The following GABRG3 variants were observed in gnomAD, a reference collection of about 807,000 sequenced individuals.
GABRG3 encodes the protein gamma-aminobutyric acid type A receptor subunit gamma3, also known as gamma-aminobutyric acid receptor subunit gamma-3.
GABRG3 carries 25 observed loss-of-function variants against 48.8 expected under a neutral mutation model. The ratio of observed to expected loss-of-function variants is 0.51; its 90% confidence interval spans 0.37 to 0.72. The LOEUF (loss-of-function observed/expected upper bound fraction) is 0.72. Among genes scored for constraint, GABRG3 ranks in the 30% least tolerant of loss-of-function variants. The probability of loss-of-function intolerance (pLI) is 0.00; values close to 1 mark genes in which losing one functional copy is unlikely to be tolerated. For synonymous variants in GABRG3, 227 were observed against 217.6 expected, an observed-to-expected ratio of 1.04 and a Z score of -0.38; for missense variants, 394 against 577.9, an observed-to-expected ratio of 0.68 and a Z score of 3.26.
At chr15:27,486,650 T>C (rs1890227627) in intron 6 of GABRG3, among the ~76,000 whole-genome samples, 1 of 152,170 alleles carries the variant, frequency 6.6e-6, no homozygotes, top group Non-Finnish European at 1.5e-5. Context: ...TATGTGACCT[T>C]GGGCAATTCC....
At chr15:27,038,788 A>C (rs983815235) in intron 3 of GABRG3, among the ~76,000 whole-genome samples, 1 of 151,908 alleles carries the variant, frequency 6.6e-6, no homozygotes, top group Non-Finnish European at 1.5e-5. Context: ...GGAGTTGGGG[A>C]TGTCAGAGTG....
At chr15:27,528,656 G>A (rs1359579865) in intron 9 of GABRG3, among the ~76,000 whole-genome samples, 3 of 152,036 alleles carry the variant, frequency 2.0e-5, no homozygotes, top group Non-Finnish European at 2.9e-5. Context: ...TAGTCACGCA[G>A]GAAAATGAGC....
intron 3 of GABRG3, among the ~76,000 whole-genome samples, chr15:27,076,175 A>G (rs1200760360): frequency 6.6e-6 from 1 of 152,062 alleles, no homozygotes; most frequent in Non-Finnish European, 1.5e-5. Context: ...AGAATGGCAG[A>G]ACTTGACAGG....
At chr15:27,218,141 C>T (rs1889327190) in intron 3 of GABRG3, among the ~76,000 whole-genome samples, 1 of 152,120 alleles carries the variant, frequency 6.6e-6, no homozygotes, top group Non-Finnish European at 1.5e-5. Context: ...TCCCAAGCAG[C>T]TGGGACTACC....
intron 5 of GABRG3, among the ~76,000 whole-genome samples, chr15:27,390,238 A>G (rs1896179957): frequency 6.6e-6 from 1 of 152,242 alleles, no homozygotes; most frequent in Non-Finnish European, 1.5e-5. Flanking sequence ...AAATTGAGAA[A>G]ACAAACCACT....
At chr15:27,349,746 A>G (rs1055720486) in intron 5 of GABRG3, among the ~76,000 whole-genome samples, 2 of 152,152 alleles carry the variant, frequency 1.3e-5, no homozygotes, top group Non-Finnish European at 2.9e-5. Context: ...GGCACAGTTT[A>G]TCAAATAATT....
At chr15:27,160,650 T>C (rs1887148417) in intron 3 of GABRG3, among the ~76,000 whole-genome samples, 1 of 152,056 alleles carries the variant, frequency 6.6e-6, no homozygotes, top group South Asian at 2.1e-4. Context: ...GTTATTTCAA[T>C]GAACCAGTAA....
At chr15:27,354,733 A>T (rs913951436) in intron 5 of GABRG3, among the ~76,000 whole-genome samples, 1 of 152,210 alleles carries the variant, frequency 6.6e-6, no homozygotes. Flanking sequence ...ATGTGAGTGG[A>T]TATCTCACAT....
At chr15:27,321,950 A>G (rs1893441206) in intron 3 of GABRG3, among the ~76,000 whole-genome samples, 2 of 152,372 alleles carry the variant, frequency 1.3e-5, no homozygotes, top group African/African-American at 2.4e-5. Context: ...ACTGAAACAA[A>G]TCATGAACTT....
chr15:27,217,280 A>G (rs1330048833), intron 3 of GABRG3, among the ~76,000 whole-genome samples: 1 of 152,168 alleles, frequency 6.6e-6, no homozygotes, highest in East Asian at 1.9e-4. Context: ...CAAATGACCA[A>G]TTCATTTCAA....
rs147353525 is a variant in GABRG3, at chr15:27,019,362, G to A, written c.203-7392G>A. ...TGGGATTACAGGCATGAGCCACCGC[G>A]CCCAGCCTAGAGTCTCTTGAAGCCT... On this transcript the variant is annotated intron_variant, in intron 2 of 9. Transcript: ENST00000615808. 7.8e-3 allele frequency among the ~76,000 whole-genome samples: 1,191 copies of A among 152,096 alleles called. 10 individuals carry two copies. Among genetic ancestry groups the A allele is most frequent in the Non-Finnish European group, 0.011 (716 of 67,988 alleles).
intron 3 of GABRG3, among the ~76,000 whole-genome samples, chr15:27,215,072 T>C (rs1040836202): frequency 3.9e-5 from 6 of 152,350 alleles, no homozygotes; most frequent in Admixed American, 3.3e-4. Context: ...TTCATTTCTT[T>C]TTCTTTTGTC....
chr15:27,492,871 A>G (rs1335112056), intron 6 of GABRG3, among the ~76,000 whole-genome samples: 1 of 152,252 alleles, frequency 6.6e-6, no homozygotes, highest in Non-Finnish European at 1.5e-5. Context: ...TGTATTGAAT[A>G]AGAAGACTAA....
chr15:27,023,255 C>T (rs1358514241), intron 2 of GABRG3, among the ~76,000 whole-genome samples: 1 of 152,056 alleles, frequency 6.6e-6, no homozygotes, highest in Admixed American at 6.5e-5. Context: ...GCTTTCCTAC[C>T]TTCATATCCC....
At chr15:27,441,411 A>G (rs1440645194) in intron 5 of GABRG3, among the ~76,000 whole-genome samples, 1 of 152,142 alleles carries the variant, frequency 6.6e-6, no homozygotes, top group Non-Finnish European at 1.5e-5. Flanking sequence ...AGCTTTTGAG[A>G]TGGTTTTGTT....
At chr15:27,126,142 A>AGTG (rs35630236) in intron 3 of GABRG3, among the ~76,000 whole-genome samples, 45,844 of 152,022 alleles carry the variant, frequency 0.3, 7,646 homozygotes, top group Middle Eastern at 0.38. Flanking sequence ...ACATAAAACC[A>AGTG]GTGAGTAGCA....
intron 3 of GABRG3, among the ~76,000 whole-genome samples, chr15:27,117,332 TCTC>T (rs1323120464): frequency 2.0e-5 from 3 of 152,150 alleles, no homozygotes; most frequent in African/African-American, 4.8e-5. Context: ...TTTGAAGTCT[TCTC>T]CTCTGGAGCC....
rs143641562 is a variant in GABRG3, at chr15:27,088,657, A to T, written c.270+61836A>T. Among the ~76,000 whole-genome samples, 676 of 152,154 alleles carry T rather than the reference A, an allele frequency of 4.4e-3. 6 individuals are homozygous for T. The highest frequency in any genetic ancestry group is 0.015 in the African/African-American group (639 of 41,502). ...CGAGGGGGAAGCGGGCTTCTTCGTC[A>T]CGTGGCCAGGAGAGAGCGAGCACCT... is the stretch of plus-strand genomic sequence containing the variant. On this transcript the variant is annotated intron_variant, in intron 3 of 9. Coordinates refer to ENST00000615808, the MANE Select transcript of GABRG3 (RefSeq NM_033223.5).
intron 2 of GABRG3, among the ~76,000 whole-genome samples, chr15:27,015,935 C>T (rs1410269007): frequency 6.6e-6 from 1 of 152,098 alleles, no homozygotes; most frequent in Non-Finnish European, 1.5e-5. Context: ...CTTAACAAGT[C>T]TTAAGTCTTG....
Sources: gnomAD v4.1 joint callset for allele counts (sites outside exome capture counted in the v4.1 genomes callset) on GRCh38, gnomAD v4.1.1 for gene constraint, MANE v1.5 for transcripts, NCBI Gene and HGNC (gene_info 2026-07-23, HGNC 2026-07-21) for gene names.